Variants in NBPF15 observed in about 807,000 individuals in gnomAD.
NBPF15 encodes the protein NBPF member 15.
A neutral mutation model predicts 62.2 loss-of-function variants in NBPF15; 74 were observed. That is an observed-to-expected ratio of 1.19 (90% CI 0.99 to 1.44). The LOEUF (loss-of-function observed/expected upper bound fraction) is 1.44. NBPF15 is among the 40% of genes most tolerant of loss of function. NBPF15 has a pLI of 0.00. For missense variants in NBPF15, 790 were observed against 550.0 expected (o/e 1.44, Z -4.36); for synonymous variants, 244 against 209.7 (o/e 1.16, Z -1.41).
rs144416833 is a variant in NBPF15, at chr1:144,423,246, C to T, written c.1780G>A (p.Val594Met). The T allele has an allele frequency of 2.6e-3, 4,140 of 1,610,376 alleles. 65 individuals are homozygous for T. The highest frequency in any genetic ancestry group is 3.0e-3 in the Non-Finnish European group (3,571 of 1,178,648). ...TCAGGCTCTTCCACTTCCATCAGCA[C>T]GCCGTAGAGCCTGGAAAAGGAGACA... ...DNPPCPRLYG[V>M]LMEVEEPEVL... The change falls in exon 22 of 22, where the codon GTG becomes ATG. Residue 594 changes from valine (V) to methionine (M), a missense_variant. By Grantham distance (21) the Val-to-Met change is conservative. Transcript: ENST00000581897.
Position 144,442,144 on chromosome 1 carries a change from TATA to T in NBPF15, c.-190-1852_-190-1850del, listed in dbSNP as rs1414719809. Reference sequence around the variant, plus strand: ...ATATATACACGTGTATATATATATATATAATATATATACACGTGTATATATATA... The same window carrying T: ...ATATATACACGTGTATATATATATATATATATATACACGTGTATATATATA... On this transcript the variant is annotated intron_variant, in intron 6 of 21. Transcript: ENST00000581897. Among the ~76,000 whole-genome samples, 26 of 11,658 alleles carry T rather than the reference TATA, an allele frequency of 2.2e-3. 1 individual carries two copies. Among genetic ancestry groups the T allele is most frequent in the Non-Finnish European group, 4.9e-3 (19 of 3,886 alleles). The allele number at this position is 11,658 out of a possible 152,430, so 7.6% of individuals were successfully genotyped here.
Position 144,428,488 on chromosome 1 carries a change from A to G in NBPF15, c.1040+118T>C, listed in dbSNP as rs368731311. 4.6e-6 allele frequency: 4 copies of G among 870,894 alleles called. No homozygotes were observed. The East Asian group carries it at 9.5e-5, about 21-fold the overall frequency. The allele number at this position is 870,894 out of a possible 1,614,324, so 53.9% of individuals were successfully genotyped here. On this transcript the variant is annotated intron_variant, in intron 15 of 21. Transcript: ENST00000581897. ...AGAACCAAAAAGCAATGTAGTAGGC[A>G]TAATTCAGACTTGTCTGACAAGACA...
chr1:144,424,331 T>C (rs1439708414), intron 20 of NBPF15, among the ~76,000 whole-genome samples: 1 of 151,476 alleles, frequency 6.6e-6, no homozygotes. Flanking sequence ...AATACTCAGA[T>C]TGTTCATGGT....
At chr1:144,428,965 C>T (rs1308406992) in intron 14 of NBPF15, among the ~76,000 whole-genome samples, 3 of 151,986 alleles carry the variant, frequency 2.0e-5, no homozygotes, top group African/African-American at 7.3e-5. Flanking sequence ...TCTAACACCT[C>T]ATAGGAGAGA....
At chr1:144,429,656 G>T (rs1185426370) in intron 14 of NBPF15, 44 bp downstream of exon 14, 3 of 598,128 alleles carry the variant, frequency 5.0e-6, no homozygotes, top group Admixed American at 5.6e-5. Context: ...GGTCTACCTG[G>T]GCCATGAACT....
chr1:144,451,730 T>A (rs1691293400), intron 4 of NBPF15, among the ~76,000 whole-genome samples: 1 of 150,992 alleles, frequency 6.6e-6, no homozygotes, highest in Admixed American at 6.6e-5. Flanking sequence ...GAGCACAGGG[T>A]TGGGGGTAGG....
At chr1:144,459,862 T>G (rs1651214902) in intron 2 of NBPF15, among the ~76,000 whole-genome samples, 1 of 151,774 alleles carries the variant, frequency 6.6e-6, no homozygotes, top group South Asian at 2.1e-4. Flanking sequence ...CCCTGCTAAA[T>G]GGTACAACCA....
At chr1:144,432,136 A>G (rs1202337585) in intron 13 of NBPF15, among the ~76,000 whole-genome samples, 3 of 151,998 alleles carry the variant, frequency 2.0e-5, no homozygotes, top group Admixed American at 6.6e-5. Context: ...CTATTTCTCC[A>G]CATCCTCTCC....
intron 1 of NBPF15, 43 bp downstream of exon 1, chr1:144,461,338 C>G (rs1259373125): frequency 6.6e-6 from 1 of 151,630 alleles, no homozygotes; most frequent in African/African-American, 2.4e-5. Flanking sequence ...CTTGCGACAG[C>G]CGCAGCTCGA....
chr1:144,445,287 T>G (rs1182853828), intron 6 of NBPF15, among the ~76,000 whole-genome samples: 1 of 141,260 alleles, frequency 7.1e-6, no homozygotes, highest in Admixed American at 7.1e-5. Context: ...TATATATATA[T>G]ATATATATAT....
In NBPF15 at chr1:144,423,068, A is replaced by C. The variant is rs1553538515; in HGVS notation, c.1958T>G (p.Leu653Trp). The change falls in exon 22 of 22, where the codon TTG becomes TGG. Residue 653 changes from leucine (L) to tryptophan (W), a missense_variant. Physicochemically the swap from Leu to Trp is moderately conservative, Grantham distance 61. Transcript: ENST00000581897. Reference protein sequence around the residue: ...ALYVDNRFFTLTVTSLHLVFQ... With the variant: ...ALYVDNRFFTWTVTSLHLVFQ... ...CACCAGGTGGAGACTTGTCACCGTC[A>C]AAGTAAAAAACCTATTGTCCACGTA... 6.2e-7 allele frequency: 1 copy of C among 1,611,650 alleles called. No homozygotes were observed. Among genetic ancestry groups the C allele is most frequent in the Non-Finnish European group, 8.5e-7 (1 of 1,179,620 alleles).
At chr1:144,431,925 C>T (rs1357746759) in intron 13 of NBPF15, among the ~76,000 whole-genome samples, 4 of 148,624 alleles carry the variant, frequency 2.7e-5, no homozygotes, top group African/African-American at 1.0e-4. Flanking sequence ...CAAGTCTTTG[C>T]TATTGTGAAT....
chr1:144,424,006 T>C (rs201665384), intron 20 of NBPF15, 31 bp from the exon 21 acceptor site: 5 of 763,008 alleles, frequency 6.6e-6, no homozygotes, highest in Admixed American at 3.4e-5. Context: ...GACAGACACA[T>C]TAAGCTGATT....
intron 19 of NBPF15, among the ~76,000 whole-genome samples, chr1:144,425,079 C>A (rs1553539025): frequency 1.4e-5 from 2 of 145,528 alleles, no homozygotes; most frequent in African/African-American, 2.6e-5. Context: ...CACACACACA[C>A]ACACACACAC....
chr1:144,435,692 G>C, intron 11 of NBPF15, 89 bp downstream of exon 11: 4 of 1,471,996 alleles, frequency 2.7e-6, no homozygotes, highest in Non-Finnish European at 3.8e-6. Flanking sequence ...GCGGGTTTTT[G>C]GCCCATCATA....
intron 17 of NBPF15, among the ~76,000 whole-genome samples, chr1:144,426,753 G>A (rs587715866): frequency 1.1e-4 from 17 of 151,918 alleles, no homozygotes; most frequent in South Asian, 6.2e-4. Flanking sequence ...GACACACAAC[G>A]AACAGTGGTC....
At chr1:144,456,132 G>T (rs1477453649) in intron 4 of NBPF15, among the ~76,000 whole-genome samples, 1 of 151,482 alleles carries the variant, frequency 6.6e-6, no homozygotes, top group Non-Finnish European at 1.5e-5. Context: ...GGGGGATGCG[G>T]GTGGACAGGG....
chr1:144,440,260 G>A lies in NBPF15; in HGVS notation c.-155C>T. 4 of 1,509,010 alleles carry A rather than the reference G, an allele frequency of 2.7e-6. No homozygotes were observed. Among genetic ancestry groups the A allele is most frequent in the Non-Finnish European group, 2.7e-6 (3 of 1,125,362 alleles). 93.5% of individuals were successfully genotyped at this position (1,509,010 alleles called of 1,614,324 possible). On this transcript the variant is annotated 5_prime_UTR_variant, in exon 7 of 22. Coordinates refer to ENST00000581897, the MANE Select transcript of NBPF15 (RefSeq NM_001385408.1). ...GTCAGTAGCGCAGACTCTGATAAGA[G>A]TGAGGTAGATTGTGGCCAGCGTGCC...
rs79654087 is a variant in NBPF15 at position 144,424,173 on chromosome 1, G to A, written c.1664-198C>T. 1.8e-4 allele frequency among the ~76,000 whole-genome samples: 27 copies of A among 151,888 alleles called. 1 individual carries two copies. Among genetic ancestry groups the A allele is most frequent in the Non-Finnish European group, 3.2e-4 (22 of 67,990 alleles). On this transcript the variant is annotated intron_variant, in intron 20 of 21. Coordinates refer to ENST00000581897, the MANE Select transcript of NBPF15 (RefSeq NM_001385408.1). ...TTTTCTCCCAGAAACTGTGGGTAAA[G>A]TGTCCCTATTCTAGTAGATCGTTAT...
Sources: allele counts gnomAD v4.1 joint callset (sites outside exome capture counted in the v4.1 genomes callset), GRCh38; gene constraint gnomAD v4.1.1; transcripts MANE v1.5; gene names NCBI Gene and HGNC (gene_info 2026-07-23, HGNC 2026-07-21).